FGF12: variants seen among roughly 807,000 people sequenced by gnomAD.
FGF12 encodes fibroblast growth factor 12B.
Under a neutral mutation model 23.6 loss-of-function variants are expected in FGF12, and 14 were observed. The ratio of observed to expected loss-of-function variants is 0.59; its 90% CI spans 0.39 to 0.93. FGF12 has a LOEUF of 0.93. Ranked by LOEUF, FGF12 falls within the 40% of genes least tolerant of loss-of-function variation. FGF12 has a pLI of 0.00. For synonymous variants in FGF12, 62 were observed against 77.3 expected (o/e 0.80, Z 1.04); for missense variants, 175 against 217.8 (o/e 0.80, Z 1.24).
At chr3:192,399,556 A>T (rs1720671257) in intron 2 of FGF12, among the ~76,000 whole-genome samples, 1 of 152,226 alleles carries the variant, frequency 6.6e-6, no homozygotes, top group Admixed American at 6.5e-5. Flanking sequence ...GGCATAATGG[A>T]TGTGTTCCTA....
rs9865015 is a variant in FGF12 at position 192,494,767 on chromosome 3, A to C, written c.14-134229T>G. On this transcript the variant is annotated intron_variant, in intron 2 of 5. Coordinates refer to ENST00000445105, the MANE Select transcript of FGF12 (RefSeq NM_004113.6). The stretch of plus-strand genomic sequence containing the variant: ...ACAGATTGAAACACAGTTGTAGTAC[A>C]GAGAAACACTAGTAAAACTCAAGGG... 6.0e-3 allele frequency among the ~76,000 whole-genome samples: 916 copies of C among 152,288 alleles called. 4 individuals are homozygous for C. The highest frequency in any genetic ancestry group is 0.011 in the Non-Finnish European group (744 of 68,028).
At chr3:192,230,730 T>A (rs1263072372) in intron 4 of FGF12, among the ~76,000 whole-genome samples, 4 of 152,152 alleles carry the variant, frequency 2.6e-5, no homozygotes, top group Non-Finnish European at 5.9e-5. Context: ...TTTTTTAATC[T>A]CTTTATTTTT....
chr3:192,372,027 C>G (rs904056380), intron 2 of FGF12, among the ~76,000 whole-genome samples: 1 of 151,558 alleles, frequency 6.6e-6, no homozygotes, highest in Admixed American at 6.6e-5. Flanking sequence ...CCTCCTGTCA[C>G]AAAAAAAAGT....
rs73887684 is a variant in FGF12, at chr3:192,724,576, C to T, written c.13+2605G>A. 2.8e-3 allele frequency among the ~76,000 whole-genome samples: 432 copies of T among 152,232 alleles called. 5 individuals carry two copies. Among genetic ancestry groups the T allele is most frequent in the African/African-American group, 0.01 (420 of 41,544 alleles). ...AATTCCGTCAGAGCTGCTCGGACTG[C>T]GTACCAACCCAAATCTTTGAGACAA... On this transcript the variant is annotated intron_variant, in intron 2 of 5. Transcript: ENST00000445105.
At chr3:192,339,150 T>C (rs981685436) in intron 3 of FGF12, among the ~76,000 whole-genome samples, 27 of 152,200 alleles carry the variant, frequency 1.8e-4, no homozygotes, top group African/African-American at 6.5e-4. Flanking sequence ...GTAAACGATT[T>C]GAAACGAGAC....
chr3:192,167,883 C>T (rs1041447121), intron 5 of FGF12, among the ~76,000 whole-genome samples: 1 of 149,150 alleles, frequency 6.7e-6, no homozygotes, highest in South Asian at 2.1e-4. Context: ...TCTCCTGCCT[C>T]AGTCTCCTGA....
chr3:192,348,011 CT>C, intron 3 of FGF12, among the ~76,000 whole-genome samples: 1 of 152,234 alleles, frequency 6.6e-6, no homozygotes, highest in African/African-American at 2.4e-5. Flanking sequence ...TTGTCTGTCC[CT>C]AAAATCAAAT....
chr3:192,378,025 C>T (rs933426435), intron 2 of FGF12, among the ~76,000 whole-genome samples: 2 of 74,504 alleles, frequency 2.7e-5, no homozygotes, highest in Non-Finnish European at 5.0e-5. Context: ...CTGACTCTTT[C>T]TTTTCTTTCT....
At position 192,418,712 on chromosome 3, in the gene FGF12, G is replaced by A. The variant is rs1025102331; in HGVS notation, c.14-58174C>T. Reference sequence around the variant, plus strand: ...AGATCTGACTGTTTAAAAGTATATGGCACATCCCCCCTCACTCTCTTGCTC... The same window carrying A: ...AGATCTGACTGTTTAAAAGTATATGACACATCCCCCCTCACTCTCTTGCTC... On this transcript the variant is annotated intron_variant, in intron 2 of 5. Coordinates refer to ENST00000445105, the MANE Select transcript of FGF12 (RefSeq NM_004113.6). 2.0e-5 allele frequency among the ~76,000 whole-genome samples: 3 copies of A among 152,032 alleles called. No homozygotes were observed. The South Asian group carries it at 6.2e-4, about 31-fold the overall frequency.
At chr3:192,527,879 C>T (rs1285184037) in intron 2 of FGF12, among the ~76,000 whole-genome samples, 1 of 152,124 alleles carries the variant, frequency 6.6e-6, no homozygotes, top group African/African-American at 2.4e-5. Context: ...GGAAACTCCC[C>T]CTTATATAAT....
intron 4 of FGF12, among the ~76,000 whole-genome samples, chr3:192,171,210 C>G (rs1187445715): frequency 6.6e-6 from 1 of 152,018 alleles, no homozygotes; most frequent in African/African-American, 2.4e-5. Flanking sequence ...ATCAAAATCT[C>G]AGGTAAAAAG....
Position 192,703,479 on chromosome 3 carries a change from G to A in FGF12, c.13+23702C>T, listed in dbSNP as rs143809841. Among the ~76,000 whole-genome samples the A allele has an allele frequency of 1.8e-4, 28 of 152,322 alleles. No homozygotes were observed. In the East Asian group the frequency reaches 3.3e-3, roughly 18 times the overall value. ...ATTGATCATGATGGTAGTTGCTGAAGATTGGGATGGCTTTAGCAGTTCCTC... is the reference window on the plus strand; with the variant it reads ...ATTGATCATGATGGTAGTTGCTGAAAATTGGGATGGCTTTAGCAGTTCCTC... On this transcript the variant is annotated intron_variant, in intron 2 of 5. Coordinates refer to ENST00000445105, the MANE Select transcript of FGF12 (RefSeq NM_004113.6).
intron 4 of FGF12, among the ~76,000 whole-genome samples, chr3:192,280,446 T>C (rs11710150): frequency 6.6e-6 from 1 of 151,862 alleles, no homozygotes; most frequent in Non-Finnish European, 1.5e-5. Flanking sequence ...ATATTTTTCA[T>C]AACTTCATTT....
intron 4 of FGF12, among the ~76,000 whole-genome samples, chr3:192,322,389 T>C (rs867542682): frequency 2.0e-4 from 31 of 152,206 alleles, no homozygotes; most frequent in Middle Eastern, 3.4e-3. Context: ...ATGTCCATAC[T>C]ACCCAAAGCA....
intron 2 of FGF12, among the ~76,000 whole-genome samples, chr3:192,550,719 G>C (rs994098586): frequency 6.6e-6 from 1 of 151,894 alleles, no homozygotes; most frequent in East Asian, 1.9e-4. Flanking sequence ...GTAGATTGGA[G>C]GTACACAGGG....
At chr3:192,726,078 C>G (rs1167531710) in intron 2 of FGF12, among the ~76,000 whole-genome samples, 1 of 152,170 alleles carries the variant, frequency 6.6e-6, no homozygotes, top group Non-Finnish European at 1.5e-5. Flanking sequence ...ACTTAAAACA[C>G]TTTATTGAAC....
At chr3:192,677,496 T>C (rs1717369385) in intron 2 of FGF12, among the ~76,000 whole-genome samples, 1 of 152,222 alleles carries the variant, frequency 6.6e-6, no homozygotes, top group South Asian at 2.1e-4. Flanking sequence ...TTTCCAGTTG[T>C]TTCAATATGA....
chr3:192,593,980 A>G (rs1713733837), intron 2 of FGF12, among the ~76,000 whole-genome samples: 1 of 151,962 alleles, frequency 6.6e-6, no homozygotes, highest in Non-Finnish European at 1.5e-5. Context: ...TCTTGCCTTG[A>G]ATTGCTTAAA....
chr3:192,344,584 T>C (rs1717862708), intron 3 of FGF12, among the ~76,000 whole-genome samples: 1 of 152,196 alleles, frequency 6.6e-6, no homozygotes, highest in Non-Finnish European at 1.5e-5. Context: ...CAGAGCTGAC[T>C]AGTGGTTTGG....
Sources: gnomAD v4.1 joint callset for allele counts (sites outside exome capture counted in the v4.1 genomes callset) on GRCh38, gnomAD v4.1.1 for gene constraint, MANE v1.5 for transcripts, NCBI Gene and HGNC (gene_info 2026-07-23, HGNC 2026-07-21) for gene names.